The following DNAH1 variants were observed in gnomAD, a reference collection of about 807,000 sequenced individuals.
The protein encoded by DNAH1 is dynein axonemal heavy chain 1.
A neutral mutation model predicts 484.3 loss-of-function variants in DNAH1; 327 were observed. That is an observed-to-expected ratio of 0.68 (90% CI 0.62 to 0.74). The LOEUF (loss-of-function observed/expected upper bound fraction) is 0.74. Among genes scored for constraint, DNAH1 ranks in the 30% least tolerant of loss-of-function variants. DNAH1 has a pLI of 0.00. For missense variants in DNAH1, 5,052 were observed against 5,546.8 expected (o/e 0.91, Z 2.83); for synonymous variants, 2,192 against 2,191.9 (o/e 1.00, Z 0.00).
intron 50 of DNAH1, among the ~76,000 whole-genome samples, 173 bp from the exon 51 acceptor site, chr3:52,383,213 C>G (rs892109589): frequency 1.3e-5 from 2 of 152,206 alleles, no homozygotes; most frequent in African/African-American, 2.4e-5. Flanking sequence ...GGGGCAAGTC[C>G]TAGACTATGA....
At chr3:52,384,682 G>A (rs1334826556) in intron 52 of DNAH1, 104 bp from the exon 53 acceptor site, 35 of 1,205,676 alleles carry the variant, frequency 2.9e-5, no homozygotes, top group Non-Finnish European at 4.0e-5. Flanking sequence ...GGAGGTTCCT[G>A]CTGTGGCCCC....
intron 2 of DNAH1, among the ~76,000 whole-genome samples, chr3:52,323,273 TGAA>T (rs1204469498): frequency 2.0e-5 from 3 of 148,914 alleles, no homozygotes; most frequent in Admixed American, 6.7e-5. Flanking sequence ...CACGGCTGTG[TGAA>T]GAAGAAGGCT....
intron 2 of DNAH1, among the ~76,000 whole-genome samples, chr3:52,323,270 G>A (rs971358538): frequency 7.2e-5 from 11 of 152,114 alleles, no homozygotes; most frequent in Non-Finnish European, 1.6e-4. Flanking sequence ...GGGCACGGCT[G>A]TGTGAAGAAG....
intron 21 of DNAH1, among the ~76,000 whole-genome samples, chr3:52,356,374 C>G (rs960717349): frequency 4.6e-5 from 7 of 152,164 alleles, no homozygotes; most frequent in African/African-American, 1.7e-4. Flanking sequence ...CCTTTGGAGG[C>G]TTGGGCGTCC....
In DNAH1 at chr3:52,362,634, A is replaced by G. The variant is rs577434565; in HGVS notation, c.5094+133A>G. 361 of 869,972 alleles carry G rather than the reference A, an allele frequency of 4.1e-4. No homozygotes were observed. The highest frequency in any genetic ancestry group is 6.0e-4 in the Non-Finnish European group (338 of 563,262). The allele number at this position is 869,972 out of a possible 1,614,324, so 53.9% of individuals were successfully genotyped here. A position where few individuals can be genotyped will look rare whatever the true frequency, so the allele number is the denominator to read the frequency against. ...GATTCCCTATGGTAGCCCCTTAGCC[A>G]TGGAGGGGAGGCCTCAGGGCCTCAG... On this transcript the variant is annotated intron_variant, in intron 31 of 77. Transcript: ENST00000420323. This position sits in a 1 kb window ranked among gnomAD's most constrained non-coding sequence, Gnocchi z 5.1.
intron 3 of DNAH1, among the ~76,000 whole-genome samples, chr3:52,325,428 C>T (rs905396769): frequency 6.6e-6 from 1 of 152,162 alleles, no homozygotes; most frequent in Non-Finnish European, 1.5e-5. Flanking sequence ...TGTGGCCATC[C>T]CCTCCTAAAG....
intron 56 of DNAH1, 70 bp from the exon 57 acceptor site, chr3:52,388,097 C>T: frequency 5.2e-6 from 8 of 1,545,268 alleles, no homozygotes; most frequent in Non-Finnish European, 7.0e-6. Context: ...GCAGGCCCCA[C>T]ATCCCAGCAG....
chr3:52,347,241 C>T (rs991471043), intron 11 of DNAH1, among the ~76,000 whole-genome samples: 3 of 150,628 alleles, frequency 2.0e-5, no homozygotes, highest in African/African-American at 4.8e-5. Context: ...CAGGTACAGG[C>T]GGAGAGATCA....
Position 52,350,546 on chromosome 3 carries a change from G to T in DNAH1, c.2685G>T (p.Met895Ile). ...IVKVMDDYQV[M>I]DEFLYNLSSD... ...AGGTCATGGATGACTACCAGGTCAT[G>T]GATGAATTCCTCTACAACCTCAGCT... Residue 895 changes from methionine (M) to isoleucine (I), a missense_variant, in exon 16 of 78, where the codon ATG becomes ATT. Physicochemically the swap from Met to Ile is conservative, Grantham distance 10. Coordinates refer to ENST00000420323, the MANE Select transcript of DNAH1 (RefSeq NM_015512.5). 3.1e-6 allele frequency: 5 copies of T among 1,613,994 alleles called. No homozygotes were observed. Among genetic ancestry groups the T allele is most frequent in the Non-Finnish European group, 4.2e-6 (5 of 1,179,858 alleles).
Position 52,370,227 on chromosome 3 carries a change from G to C in DNAH1, c.6256G>C (p.Glu2086Gln). Residue 2086 changes from glutamate to glutamine, a missense_variant and splice_region_variant, in exon 39 of 78, where the codon GAG becomes CAG. This residue lies in a region of DNAH1 where 2,929 missense variants were observed against 3,409.4 expected (regional missense o/e 0.86). Transcript: ENST00000420323. ...CTTCTTCAAGCCCTTTCTGCCTAGA[G>C]AGGTACAGCCCTGAGAGTGGGGCTA... is the stretch of plus-strand genomic sequence containing the variant. ...DCFFKPFLPREGLKKIPSEKL... is the reference protein window; with the variant it reads ...DCFFKPFLPRQGLKKIPSEKL... 6.2e-7 allele frequency: 1 copy of C among 1,613,728 alleles called. No individual in the cohort carries two copies. Among genetic ancestry groups the C allele is most frequent in the Non-Finnish European group, 8.5e-7 (1 of 1,179,782 alleles).
chr3:52,372,526 C>T (rs1703391286), intron 43 of DNAH1, 139 bp downstream of exon 43: 1 of 1,207,878 alleles, frequency 8.3e-7, no homozygotes, highest in Admixed American at 2.4e-5. Flanking sequence ...CCCCAATGGG[C>T]CCAGGGTTCC....
rs929777314 is a variant in DNAH1 at position 52,358,209 on chromosome 3, A to G, written c.4086+206A>G. Among the ~76,000 whole-genome samples the G allele has an allele frequency of 2.6e-5, 4 of 152,342 alleles. No individual in the cohort carries two copies. Among genetic ancestry groups the G allele is most frequent in the Admixed American group, 2.6e-4 (4 of 15,306 alleles). ...GAGGGCCCTGGATTTCCAACTCACC[A>G]GGCGCTCCCTGTGCCCCCAGCACAC... On this transcript the variant is annotated intron_variant, in intron 24 of 77. Transcript: ENST00000420323. The surrounding 1 kb of genome is among the most constrained non-coding windows in gnomAD (Gnocchi z 4.2).
chr3:52,322,890 G>A (rs1450881860), intron 2 of DNAH1, 115 bp downstream of exon 2: 6 of 942,942 alleles, frequency 6.4e-6, no homozygotes, highest in East Asian at 5.2e-5. Flanking sequence ...GCTGTCTATC[G>A]ATCTATCCAT....
intron 67 of DNAH1, 56 bp from the exon 68 acceptor site, chr3:52,394,859 C>T: frequency 6.3e-7 from 1 of 1,593,166 alleles, no homozygotes. Context: ...ATCCCTGGGG[C>T]CACCAACCTC....
intron 32 of DNAH1, among the ~76,000 whole-genome samples, 182 bp downstream of exon 32, chr3:52,363,326 G>T (rs1203272940): frequency 6.6e-6 from 1 of 152,264 alleles, no homozygotes; most frequent in Non-Finnish European, 1.5e-5. Context: ...GGACACCGAG[G>T]TCCTAGGTAG....
At chr3:52,318,536 C>T (rs1352511237) in intron 1 of DNAH1, among the ~76,000 whole-genome samples, 5 of 152,376 alleles carry the variant, frequency 3.3e-5, no homozygotes, top group South Asian at 2.1e-4. Context: ...TTCATTTGTT[C>T]ACACAATCAT....
intron 1 of DNAH1, among the ~76,000 whole-genome samples, chr3:52,320,893 C>T (rs1168816078): frequency 3.3e-5 from 5 of 150,810 alleles, no homozygotes; most frequent in Admixed American, 2.0e-4. Flanking sequence ...CTCTGTCTCC[C>T]GGGTTCAAGC....
In DNAH1 at chr3:52,353,633, G is replaced by C; in HGVS notation, c.3480G>C (p.Gln1160His). 1.3e-6 allele frequency: 2 copies of C among 1,579,090 alleles called. No individual in the cohort carries two copies. The highest frequency in any genetic ancestry group is 1.7e-6 in the Non-Finnish European group (2 of 1,164,860). The change falls in exon 20 of 78, where the codon CAG becomes CAC. Residue 1160 changes from glutamine (Q) to histidine (H), a missense_variant and splice_region_variant. This residue lies in a region of DNAH1 where 2,929 missense variants were observed against 3,409.4 expected (regional missense o/e 0.86). Coordinates refer to ENST00000420323, the MANE Select transcript of DNAH1 (RefSeq NM_015512.5). The surrounding 1 kb of genome is among the most constrained non-coding windows in gnomAD (Gnocchi z 5.0). ...EVAGKEYAIEQALDKMEKEWS... is the reference protein window; with the variant it reads ...EVAGKEYAIEHALDKMEKEWS... Reference sequence around the variant, plus strand: ...CTGGCAAGGAGTACGCCATCGAGCAGGTGGGTAGCCACCAGCGGGCCCAGC... The same window carrying C: ...CTGGCAAGGAGTACGCCATCGAGCACGTGGGTAGCCACCAGCGGGCCCAGC...
At chr3:52,324,660 T>C (rs1401516463) in intron 3 of DNAH1, among the ~76,000 whole-genome samples, 3 of 152,044 alleles carry the variant, frequency 2.0e-5, no homozygotes, top group Admixed American at 1.3e-4. Context: ...ATCACGAGCA[T>C]GTACATTTGC....
Sources: allele counts gnomAD v4.1 joint callset (sites outside exome capture counted in the v4.1 genomes callset), GRCh38; gene constraint gnomAD v4.1.1; regional missense constraint gnomAD v4.1.1; non-coding constraint Gnocchi (gnomAD v3.1); transcripts MANE v1.5; gene names NCBI Gene and HGNC (gene_info 2026-07-23, HGNC 2026-07-21).